SLC5A4: variants seen among roughly 807,000 people sequenced by gnomAD.
The protein encoded by SLC5A4 is probable glucose sensor protein SLC5A4.
Under a neutral mutation model 70.3 loss-of-function variants are expected in SLC5A4, and 55 were observed. The observed-to-expected ratio is 0.78, with a 90% CI of 0.63 to 0.98. The LOEUF (loss-of-function observed/expected upper bound fraction) is 0.98. Among genes scored for constraint, SLC5A4 ranks in the 50% least tolerant of loss-of-function variants. The pLI is 0.00. For missense variants in SLC5A4, 735 were observed against 839.2 expected (o/e 0.88, Z 1.53); for synonymous variants, 268 against 305.7 (o/e 0.88, Z 1.29).
At chr22:32,319,348 A>T in the SLC5A4 span, among the ~76,000 whole-genome samples, 2 of 151,240 alleles carry the variant, frequency 1.3e-5, no homozygotes, top group Non-Finnish European at 2.9e-5. Flanking sequence ...AACTCACACC[A>T]TCAGCTCTTC....
rs142134956 is a variant in SLC5A4, at chr22:32,235,396, T to A, written c.665-303A>T. ...AAGCTGTTATCCAACAGGCTGACAC[T>A]GATGTCTCACAACCATTTAGAGCAT... is the stretch of plus-strand genomic sequence containing the variant. On this transcript the variant is annotated intron_variant, in intron 7 of 14. Coordinates refer to ENST00000266086, the MANE Select transcript of SLC5A4 (RefSeq NM_014227.3). 1.7e-3 allele frequency among the ~76,000 whole-genome samples: 257 copies of A among 152,298 alleles called. 1 individual carries two copies. The highest frequency in any genetic ancestry group is 3.4e-3 in the Middle Eastern group (1 of 294).
the SLC5A4 span, among the ~76,000 whole-genome samples, chr22:32,352,130 A>G: frequency 1.3e-4 from 20 of 152,154 alleles, no homozygotes; most frequent in Non-Finnish European, 1.8e-4. Context: ...ACATGGATGA[A>G]GCTGGAAACC....
intron 8 of SLC5A4, 60 bp from the exon 9 acceptor site, chr22:32,233,094 A>C: frequency 6.4e-7 from 1 of 1,566,596 alleles, no homozygotes; most frequent in Non-Finnish European, 8.7e-7. Context: ...AAAGGCAGTC[A>C]GCGTCCCTTT....
chr22:32,326,697 C>T, the SLC5A4 span, among the ~76,000 whole-genome samples: 1 of 152,188 alleles, frequency 6.6e-6, no homozygotes, highest in Non-Finnish European at 1.5e-5. Context: ...CCAAGGAACG[C>T]TACCTCAATA....
At chr22:32,246,089 G>T (rs1252700208) in intron 5 of SLC5A4, among the ~76,000 whole-genome samples, 2 of 152,216 alleles carry the variant, frequency 1.3e-5, no homozygotes, top group Non-Finnish European at 2.9e-5. Context: ...ATGCACTCTA[G>T]TTCAGCATGT....
chr22:32,258,131 G>A (rs1927581671), upstream of SLC5A4, among the ~76,000 whole-genome samples: 1 of 152,094 alleles, frequency 6.6e-6, no homozygotes, highest in African/African-American at 2.4e-5. Context: ...TGGGATTACA[G>A]GCATGCACCA....
the SLC5A4 span, among the ~76,000 whole-genome samples, chr22:32,339,260 G>C: frequency 6.6e-6 from 1 of 152,084 alleles, no homozygotes; most frequent in Non-Finnish European, 1.5e-5. Flanking sequence ...AATAATGGTC[G>C]CAACAATCAT....
At chr22:32,248,612 A>G (rs956533427) in intron 4 of SLC5A4, 131 bp downstream of exon 4, 2 of 694,258 alleles carry the variant, frequency 2.9e-6, no homozygotes, top group Admixed American at 4.1e-5. Flanking sequence ...CTGAGCTCCC[A>G]TCTCCTCTGC....
the SLC5A4 span, among the ~76,000 whole-genome samples, chr22:32,308,930 A>ATTCC: frequency 2.0e-5 from 3 of 152,098 alleles, no homozygotes; most frequent in Admixed American, 6.5e-5. Flanking sequence ...CAGGTCTGTT[A>ATTCC]TTCCTTCCTT....
the SLC5A4 span, among the ~76,000 whole-genome samples, chr22:32,323,274 C>T: frequency 6.6e-6 from 1 of 152,198 alleles, no homozygotes; most frequent in Admixed American, 6.5e-5. Context: ...ATGCTTTTCA[C>T]ACCAAGTTCC....
intron 8 of SLC5A4, among the ~76,000 whole-genome samples, chr22:32,234,508 G>A (rs572325595): frequency 3.9e-5 from 6 of 152,236 alleles, no homozygotes; most frequent in Admixed American, 1.3e-4. Flanking sequence ...AGACCAGCCT[G>A]GCCAACATGG....
chr22:32,299,327 C>T, the SLC5A4 span, among the ~76,000 whole-genome samples: 69,534 of 147,400 alleles, frequency 0.47, 16,605 homozygotes, highest in Admixed American at 0.51. Context: ...CACATAGTCC[C>T]ATATTTCTTG....
At chr22:32,300,649 C>G in the SLC5A4 span, among the ~76,000 whole-genome samples, 1 of 152,036 alleles carries the variant, frequency 6.6e-6, no homozygotes, top group Non-Finnish European at 1.5e-5. Context: ...AGCTGTAGAC[C>G]GGAGCTGTTC....
chr22:32,253,985 TAGTC>T (rs900735648), intron 2 of SLC5A4, among the ~76,000 whole-genome samples, 153 bp downstream of exon 2: 4 of 152,306 alleles, frequency 2.6e-5, no homozygotes, highest in African/African-American at 4.8e-5. Flanking sequence ...TTCACCATGT[TAGTC>T]AGGCTGGTCT....
the SLC5A4 span, chr22:32,284,903 T>G: frequency 6.6e-6 from 1 of 152,140 alleles, no homozygotes; most frequent in African/African-American, 2.4e-5. Context: ...CCAGGAGGGT[T>G]TTCTTCCAGG....
the SLC5A4 span, chr22:32,270,162 G>A: frequency 6.3e-6 from 4 of 636,926 alleles, no homozygotes; most frequent in East Asian, 6.5e-5. Flanking sequence ...CGGCAGCGAC[G>A]CCCAGTCGGG....
chr22:32,285,138 T>C, the SLC5A4 span: 1 of 152,216 alleles, frequency 6.6e-6, no homozygotes, highest in African/African-American at 2.4e-5. Flanking sequence ...AGTAGATGTG[T>C]GTGTATATAT....
At chr22:32,299,494 T>G in the SLC5A4 span, among the ~76,000 whole-genome samples, 906 of 106,094 alleles carry the variant, frequency 8.5e-3, 43 homozygotes, top group Admixed American at 0.074. Context: ...GAGCCTTGGT[T>G]TTCAGCTCCA....
At chr22:32,222,303 T>C (rs1454122766) in intron 13 of SLC5A4, among the ~76,000 whole-genome samples, 5 of 152,216 alleles carry the variant, frequency 3.3e-5, no homozygotes, top group African/African-American at 1.2e-4. Context: ...AGTCCTTCAA[T>C]TTCTGTTTAA....
Sources: gnomAD v4.1 joint callset for allele counts (sites outside exome capture counted in the v4.1 genomes callset) on GRCh38, gnomAD v4.1.1 for gene constraint, MANE v1.5 for transcripts, NCBI Gene and HGNC (gene_info 2026-07-23, HGNC 2026-07-21) for gene names.